TRIM37: variants seen among roughly 807,000 people sequenced by gnomAD.
TRIM37 encodes tripartite motif containing 37, also known as E3 ubiquitin-protein ligase TRIM37.
A neutral mutation model predicts 129.8 loss-of-function variants in TRIM37; 80 were observed. That is an observed-to-expected ratio of 0.62 (90% CI 0.51 to 0.74). TRIM37 has a LOEUF of 0.74. TRIM37 is among the 30% of genes least tolerant of loss of function. The pLI, the probability that TRIM37 is intolerant of heterozygous loss-of-function variation, is 0.00. For missense variants in TRIM37, 1,054 were observed against 1,176.5 expected (o/e 0.90, Z 1.52); for synonymous variants, 389 against 387.1 (o/e 1.00, Z -0.06).
At position 59,017,761 on chromosome 17, in the gene TRIM37, A is replaced by G. The variant is rs556199296; in HGVS notation, c.2258-337T>C. Among the ~76,000 whole-genome samples the G allele has an allele frequency of 1.1e-4, 17 of 152,130 alleles. No individual in the cohort carries two copies. The South Asian group carries it at 3.5e-3, about 32-fold the overall frequency. On this transcript the variant is annotated intron_variant, in intron 19 of 23. Coordinates refer to ENST00000262294, the MANE Select transcript of TRIM37 (RefSeq NM_015294.6). The stretch of plus-strand genomic sequence containing the variant: ...TGCCTCAGCCTCCCGAGTAGCTCAG[A>G]TTACAGGCACTCGCCACCATGCCCA...
intron 13 of TRIM37, among the ~76,000 whole-genome samples, chr17:59,053,163 T>C (rs967519864): frequency 2.0e-5 from 3 of 152,204 alleles, no homozygotes; most frequent in Non-Finnish European, 4.4e-5. Context: ...TGGTTAACTC[T>C]GCACATTAGT....
intron 18 of TRIM37, among the ~76,000 whole-genome samples, chr17:59,031,117 T>C (rs1407995902): frequency 2.0e-5 from 3 of 152,202 alleles, no homozygotes; most frequent in African/African-American, 4.8e-5. Flanking sequence ...TCTATTTCTC[T>C]GTTATTTACA....
At chr17:59,099,506 T>C (rs2045255031) in intron 2 of TRIM37, among the ~76,000 whole-genome samples, 2 of 152,122 alleles carry the variant, frequency 1.3e-5, no homozygotes, top group Admixed American at 1.3e-4. Context: ...AACTGTACCC[T>C]TAAATATGGG....
intron 19 of TRIM37, among the ~76,000 whole-genome samples, chr17:59,021,246 T>A (rs777690155): frequency 2.0e-5 from 3 of 151,936 alleles, no homozygotes; most frequent in Non-Finnish European, 4.4e-5. Context: ...TACAAAAAAA[T>A]TAGCTGGGCG....
chr17:59,055,250 C>T (rs1011821342), intron 13 of TRIM37, among the ~76,000 whole-genome samples: 1 of 140,258 alleles, frequency 7.1e-6, no homozygotes, highest in South Asian at 2.3e-4. Flanking sequence ...GCAGGAGAAT[C>T]GCTTGAACCT....
intron 22 of TRIM37, among the ~76,000 whole-genome samples, chr17:59,004,063 T>G (rs948477273): frequency 6.6e-6 from 1 of 152,022 alleles, no homozygotes; most frequent in African/African-American, 2.4e-5. Context: ...GAGCTATGAT[T>G]GTACCACTGT....
At chr17:59,093,535 C>T (rs911256900) in intron 2 of TRIM37, among the ~76,000 whole-genome samples, 14 of 152,146 alleles carry the variant, frequency 9.2e-5, no homozygotes, top group African/African-American at 3.4e-4. Context: ...GATACAATTG[C>T]CATGCTCTAC....
intron 24 of TRIM37, among the ~76,000 whole-genome samples, chr17:58,990,740 G>A (rs375921484): frequency 3.4e-5 from 5 of 146,620 alleles, no homozygotes; most frequent in African/African-American, 1.0e-4. Flanking sequence ...GCAGTGAGTC[G>A]AGATCATGCC....
chr17:59,069,737 T>A (rs910059829), intron 9 of TRIM37, among the ~76,000 whole-genome samples: 2 of 152,210 alleles, frequency 1.3e-5, no homozygotes, highest in Non-Finnish European at 2.9e-5. Flanking sequence ...TGTGACTGTA[T>A]CTATAGCCAG....
intron 15 of TRIM37, 128 bp downstream of exon 15, chr17:59,049,050 A>G: frequency 1.3e-6 from 1 of 756,080 alleles, no homozygotes; most frequent in Non-Finnish European, 2.3e-6. Context: ...GGGCATACAT[A>G]CATTACTAAT....
chr17:59,046,920 C>T (rs1244553864), intron 16 of TRIM37, among the ~76,000 whole-genome samples: 2 of 150,038 alleles, frequency 1.3e-5, no homozygotes, highest in Non-Finnish European at 3.0e-5. Context: ...TTTGGGAGGC[C>T]GAGGTGGACG....
rs980917406 is a variant in TRIM37, at chr17:58,999,179, T to C, written c.*198A>G. 7.0e-7 allele frequency: 1 copy of C among 1,427,134 alleles called. No individual in the cohort carries two copies. Among genetic ancestry groups the C allele is most frequent in the Non-Finnish European group, 9.1e-7 (1 of 1,094,278 alleles). The allele number at this position is 1,427,134 out of a possible 1,614,324, so 88.4% of individuals were successfully genotyped here. On this transcript the variant is annotated 3_prime_UTR_variant, in exon 24 of 24. Transcript: ENST00000262294. ...CTTACATTACAAAGAACTCTTCCCA[T>C]ACTGTTTTTCCCATGTACTACTGCT...
chr17:59,067,342 T>C (rs2041997804), intron 9 of TRIM37, among the ~76,000 whole-genome samples: 1 of 152,148 alleles, frequency 6.6e-6, no homozygotes, highest in African/African-American at 2.4e-5. Context: ...GATGACTGGA[T>C]TCATCTCATG....
At chr17:59,007,158 A>AACAC (rs540872393) in intron 22 of TRIM37, among the ~76,000 whole-genome samples, 669 of 8,338 alleles carry the variant, frequency 0.08, 47 homozygotes, top group Admixed American at 0.15. Context: ...CCCACCCTCC[A>AACAC]ACACACACAC....
At chr17:59,102,478 A>C (rs1463233838) in intron 2 of TRIM37, among the ~76,000 whole-genome samples, 1 of 152,238 alleles carries the variant, frequency 6.6e-6, no homozygotes, top group Non-Finnish European at 1.5e-5. Flanking sequence ...GGTAAGTGTT[A>C]ATGTGTATTA....
At position 59,047,683 on chromosome 17, in the gene TRIM37, A is replaced by G; in HGVS notation, c.1667T>C (p.Met556Thr). The G allele has an allele frequency of 6.2e-7, 1 of 1,612,888 alleles. No individual in the cohort carries two copies. Among genetic ancestry groups the G allele is most frequent in the Non-Finnish European group, 8.5e-7 (1 of 1,179,434 alleles). ...TACAGTAGTAAAGTGGGAAACTCAC[A>G]TAGTTTCTTCATCAATATCATTTTC... ...TEENDIDEET[M>T]SGENDVEYNN... Residue 556 changes from methionine to threonine, a missense_variant and splice_region_variant, in exon 16 of 24, where the codon ATG (methionine) becomes ACG (threonine). Physicochemically the swap from Met to Thr is moderately conservative, Grantham distance 81. Coordinates refer to ENST00000262294, the MANE Select transcript of TRIM37 (RefSeq NM_015294.6).
At position 59,028,711 on chromosome 17, in the gene TRIM37, C is replaced by T. The variant is rs902707764; in HGVS notation, c.1961G>A (p.Arg654Gln). 3.7e-6 allele frequency: 6 copies of T among 1,614,076 alleles called. No individual in the cohort carries two copies. Among genetic ancestry groups the T allele is most frequent in the South Asian group, 1.1e-5 (1 of 91,074 alleles). ...SLLQPTASYS[R>Q]KDKDQRKQQA... The stretch of plus-strand genomic sequence containing the variant: ...TTGCTTCCTTTGGTCTTTATCTTTT[C>T]GAGAATATGATGCTTCAGAGAAATT... Residue 654 changes from arginine (R) to glutamine (Q), a missense_variant, in exon 19 of 24, where the codon CGA (arginine) becomes CAA (glutamine). Physicochemically the swap from Arg to Gln is conservative, Grantham distance 43. Around this residue, in one of 3 missense-constraint regions of TRIM37, gnomAD observed 752 missense variants for 870.8 expected, o/e 0.86. Coordinates refer to ENST00000262294, the MANE Select transcript of TRIM37 (RefSeq NM_015294.6).
At chr17:59,021,127 C>T (rs1292448015) in intron 19 of TRIM37, among the ~76,000 whole-genome samples, 1 of 152,152 alleles carries the variant, frequency 6.6e-6, no homozygotes, top group Non-Finnish European at 1.5e-5. Flanking sequence ...CGTGGTAGCT[C>T]ACGCCCGTAA....
At chr17:59,029,799 C>T (rs2050662300) in intron 18 of TRIM37, among the ~76,000 whole-genome samples, 1 of 152,062 alleles carries the variant, frequency 6.6e-6, no homozygotes, top group Non-Finnish European at 1.5e-5. Context: ...AACAAACAAA[C>T]AATCAATCAA....
Sources: gnomAD v4.1 joint callset for allele counts (sites outside exome capture counted in the v4.1 genomes callset) on GRCh38, gnomAD v4.1.1 for gene constraint, gnomAD v4.1.1 regional missense constraint, MANE v1.5 for transcripts, NCBI Gene and HGNC (gene_info 2026-07-23, HGNC 2026-07-21) for gene names.